The following AFF2 variants were observed in gnomAD, a reference collection of about 807,000 sequenced individuals.
The protein encoded by AFF2 is ALF transcription elongation factor 2, also known as AF4/FMR2 family member 2.
A neutral mutation model predicts 76.9 loss-of-function variants in AFF2; 14 were observed. The ratio of observed to expected loss-of-function variants is 0.18; its 90% confidence interval spans 0.12 to 0.28. The LOEUF is 0.28. AFF2 is among the 10% of genes least tolerant of loss of function. AFF2 has a pLI of 1.00. For synonymous variants in AFF2, 398 were observed against 366.7 expected, an observed-to-expected ratio of 1.09 and a Z score of -0.98; for missense variants, 868 against 1,001.1, an observed-to-expected ratio of 0.87 and a Z score of 1.79.
At chrX:148,877,150 T>G (rs2071044675) in intron 7 of AFF2, among the ~76,000 whole-genome samples, 2 of 112,071 alleles carry the variant, frequency 1.8e-5, no homozygotes, top group Non-Finnish European at 3.8e-5. Context: ...GCAATTCTTC[T>G]TTTATTTTAT....
At chrX:148,934,636 A>G (rs1557284795) in intron 9 of AFF2, among the ~76,000 whole-genome samples, 1 of 112,020 alleles carries the variant, frequency 8.9e-6, no homozygotes, top group Admixed American at 9.5e-5. Flanking sequence ...TCTCATTCGA[A>G]CCTTGATGCA....
chrX:148,547,593 T>G (rs886676904), intron 1 of AFF2, among the ~76,000 whole-genome samples: 1 of 112,152 alleles, frequency 8.9e-6, no homozygotes. Flanking sequence ...CATTTCATCC[T>G]CAAAATTTCT....
At chrX:148,760,408 G>A (rs1340989596) in intron 3 of AFF2, among the ~76,000 whole-genome samples, 1 of 112,335 alleles carries the variant, frequency 8.9e-6, no homozygotes, top group African/African-American at 3.2e-5. Context: ...AGACAAATAA[G>A]AAATACTACC....
chrX:148,984,360 G>T (rs1319749812), intron 19 of AFF2, among the ~76,000 whole-genome samples: 1 of 111,038 alleles, frequency 9.0e-6, no homozygotes, highest in Non-Finnish European at 1.9e-5. Flanking sequence ...ATGCTCATTT[G>T]CATGTGCCAT....
At chrX:148,730,463 GA>G (rs2055207603) in intron 3 of AFF2, among the ~76,000 whole-genome samples, 2 of 112,068 alleles carry the variant, frequency 1.8e-5, no homozygotes, top group African/African-American at 3.2e-5. Context: ...AAAACTTTAA[GA>G]AAAAAAATGC....
At chrX:148,979,684 T>G (rs1409784007) in intron 18 of AFF2, among the ~76,000 whole-genome samples, 1 of 112,301 alleles carries the variant, frequency 8.9e-6, no homozygotes, top group African/African-American at 3.2e-5. Flanking sequence ...TGGCCTACCC[T>G]CTATAGTTTA....
intron 9 of AFF2, among the ~76,000 whole-genome samples, chrX:148,924,920 C>A (rs16994833): frequency 0.048 from 5,428 of 112,488 alleles, 316 homozygotes; most frequent in African/African-American, 0.17. Context: ...CCAGCCAGAT[C>A]TACTCAATAA....
chrX:148,964,050 A>G (rs2072142572), intron 13 of AFF2, among the ~76,000 whole-genome samples: 1 of 112,239 alleles, frequency 8.9e-6, no homozygotes, highest in Admixed American at 9.5e-5. Context: ...TATAAGAAAT[A>G]CATTTCACAT....
intron 4 of AFF2, among the ~76,000 whole-genome samples, chrX:148,810,528 C>G (rs2070190112): frequency 8.9e-6 from 1 of 112,269 alleles, no homozygotes; most frequent in African/African-American, 3.2e-5. Flanking sequence ...ACATATCTGT[C>G]TGCTCTCTCT....
In AFF2 at chrX:148,839,573, G is replaced by A. The variant is rs192934433; in HGVS notation, c.1173+1840G>A. Among the ~76,000 whole-genome samples, 12 of 111,373 alleles carry A rather than the reference G, an allele frequency of 1.1e-4. 1 individual carries two copies. The East Asian group carries it at 1.7e-3, about 16-fold the overall frequency. On this transcript the variant is annotated intron_variant, in intron 5 of 20. Coordinates refer to ENST00000370460, the MANE Select transcript of AFF2 (RefSeq NM_002025.4). ...AGATCCAGGTGTTCCTGGCACCAGCGGTCATACTGTCTCTCTGTATATCTT... is the reference window on the plus strand; with the variant it reads ...AGATCCAGGTGTTCCTGGCACCAGCAGTCATACTGTCTCTCTGTATATCTT...
At chrX:148,956,748 G>A (rs2072046463) in intron 11 of AFF2, 135 bp downstream of exon 11, 8 of 562,076 alleles carry the variant, frequency 1.4e-5, no homozygotes, top group Non-Finnish European at 2.2e-5. Flanking sequence ...GATGCTTTCT[G>A]TGGGAAATGC....
At chrX:148,773,745 A>AGAAAGAAAGAAG (rs2069632245) in intron 3 of AFF2, among the ~76,000 whole-genome samples, 1 of 89,281 alleles carries the variant, frequency 1.1e-5, no homozygotes, top group Non-Finnish European at 2.3e-5. Context: ...AAAGAAAGAA[A>AGAAAGAAAGAAG]GAGAAAGAAA....
At chrX:148,947,363 A>T (rs1474950840) in intron 9 of AFF2, among the ~76,000 whole-genome samples, 1 of 112,162 alleles carries the variant, frequency 8.9e-6, no homozygotes, top group Non-Finnish European at 1.9e-5. Context: ...AATTGTGCTC[A>T]GGGGGCATCC....
At chrX:148,794,321 A>G (rs1390873799) in intron 3 of AFF2, among the ~76,000 whole-genome samples, 3 of 112,001 alleles carry the variant, frequency 2.7e-5, no homozygotes, top group Non-Finnish European at 3.8e-5. Flanking sequence ...TGACTCCTAA[A>G]ATCAATATTG....
At chrX:148,637,767 C>T (rs1172201861) in intron 1 of AFF2, among the ~76,000 whole-genome samples, 2 of 112,484 alleles carry the variant, frequency 1.8e-5, no homozygotes. Flanking sequence ...CATCTTAATA[C>T]AGACTAACCA....
intron 5 of AFF2, 117 bp downstream of exon 5, chrX:148,837,850 C>T: frequency 2.1e-6 from 1 of 470,438 alleles, no homozygotes; most frequent in Non-Finnish European, 3.7e-6. Context: ...AATCTAGACT[C>T]TCTTGCCCCT....
chrX:148,519,691 A>G (rs148700806), intron 1 of AFF2, among the ~76,000 whole-genome samples: 2,278 of 111,977 alleles, frequency 0.02, 44 homozygotes, highest in African/African-American at 0.068. Context: ...CAGTGTGTAT[A>G]TATACATACA....
At chrX:148,857,207 G>GA (rs2070796288) in intron 7 of AFF2, among the ~76,000 whole-genome samples, 1 of 111,869 alleles carries the variant, frequency 8.9e-6, no homozygotes, top group Non-Finnish European at 1.9e-5. Context: ...AGTGAACTAT[G>GA]AAAAATAATT....
At chrX:148,926,672 C>T (rs782295935) in intron 9 of AFF2, among the ~76,000 whole-genome samples, 3 of 112,257 alleles carry the variant, frequency 2.7e-5, no homozygotes, top group Admixed American at 9.4e-5. Context: ...TCAAGTCCAT[C>T]TTGCTGGTGT....
Sources: gnomAD v4.1 joint callset for allele counts (sites outside exome capture counted in the v4.1 genomes callset) on GRCh38, gnomAD v4.1.1 for gene constraint, MANE v1.5 for transcripts, NCBI Gene and HGNC (gene_info 2026-07-23, HGNC 2026-07-21) for gene names.